SLIT1: variants seen among roughly 807,000 people sequenced by gnomAD.
The protein encoded by SLIT1 is slit homolog 1 protein.
In SLIT1, 66 loss-of-function variants were observed where a neutral mutation model predicts 186.1. The observed-to-expected ratio is 0.35, with a 90% CI of 0.29 to 0.44. SLIT1 has a LOEUF of 0.44. Ranked by LOEUF, SLIT1 falls within the 20% of genes least tolerant of loss-of-function variation. SLIT1 has a pLI of 1.00. For synonymous variants in SLIT1, 761 were observed against 833.8 expected (o/e 0.91, Z 1.50); for missense variants, 1,638 against 2,037.4 (o/e 0.80, Z 3.77).
Position 97,046,451 on chromosome 10 carries a change from G to A in SLIT1, c.1853+203C>T, listed in dbSNP as rs908412131. On this transcript the variant is annotated intron_variant, in intron 18 of 36. Coordinates refer to ENST00000266058, the MANE Select transcript of SLIT1 (RefSeq NM_003061.3). ...GAGGCCAACTGGGCATTGGCCCCAT[G>A]CCCCAGGGTACAAGAGAACAGGTCT... is the stretch of plus-strand genomic sequence containing the variant. Among the ~76,000 whole-genome samples the A allele has an allele frequency of 2.6e-5, 4 of 152,226 alleles. No homozygotes were observed. The South Asian group carries it at 8.3e-4, about 31-fold the overall frequency.
chr10:97,066,208 C>T (rs1048608642), intron 4 of SLIT1, 122 bp from the exon 5 acceptor site: 22 of 728,314 alleles, frequency 3.0e-5, no homozygotes, highest in Non-Finnish European at 4.7e-5. Flanking sequence ...GCCACTGCTG[C>T]ACCCCAGCAC....
intron 1 of SLIT1, among the ~76,000 whole-genome samples, chr10:97,170,265 T>C (rs1196261415): frequency 6.6e-6 from 1 of 152,252 alleles, no homozygotes; most frequent in African/African-American, 2.4e-5. Context: ...TGTGCCTCAG[T>C]TTCTCCATTT....
chr10:97,114,039 CTCA>C (rs1849488160), intron 4 of SLIT1, among the ~76,000 whole-genome samples: 1 of 152,140 alleles, frequency 6.6e-6, no homozygotes, highest in Admixed American at 6.5e-5. Context: ...CTCCCAGCCC[CTCA>C]GGATACTCAG....
chr10:97,051,437 T>C (rs1848785527), intron 13 of SLIT1, among the ~76,000 whole-genome samples: 1 of 152,014 alleles, frequency 6.6e-6, no homozygotes, highest in South Asian at 2.1e-4. Flanking sequence ...GAATGTAAAA[T>C]AGTACCGCCA....
At position 97,043,871 on chromosome 10, in the gene SLIT1, T is replaced by C. The variant is rs1848713280; in HGVS notation, c.1854-358A>G. 6.6e-6 allele frequency among the ~76,000 whole-genome samples: 1 copy of C among 152,104 alleles called. No individual in the cohort carries two copies. The highest frequency in any genetic ancestry group is 2.4e-5 in the African/African-American group (1 of 41,396). ...AGGAGACTTCCTGAAACCTAATCCA[T>C]CATGTCACTCTCCAGCTTAAAGTCC... On this transcript the variant is annotated intron_variant, in intron 18 of 36. Transcript: ENST00000266058. The surrounding 1 kb of genome is among the most constrained non-coding windows in gnomAD (Gnocchi z 7.0).
At chr10:97,185,419 G>T in intron 1 of SLIT1, 59 bp downstream of exon 1, 2 of 1,542,898 alleles carry the variant, frequency 1.3e-6, no homozygotes, top group Middle Eastern at 1.9e-4. Context: ...GTCCGGAATT[G>T]CGTCTGGGTG....
chr10:97,034,322 G>T, intron 23 of SLIT1, 149 bp downstream of exon 23: 1 of 666,686 alleles, frequency 1.5e-6, no homozygotes. Context: ...TTTTTTCAAA[G>T]TCTTTTAGGC....
At chr10:97,148,966 T>C (rs1484494829) in intron 4 of SLIT1, among the ~76,000 whole-genome samples, 2 of 152,248 alleles carry the variant, frequency 1.3e-5, no homozygotes. Context: ...TGGCTTTTCA[T>C]GCCTTTGAGC....
chr10:97,001,476 A>T, intron 36 of SLIT1, 126 bp from the exon 37 acceptor site: 1 of 698,606 alleles, frequency 1.4e-6, no homozygotes, highest in Non-Finnish European at 2.5e-6. Context: ...TGGCTCTCAG[A>T]CCCCACCTCT....
In SLIT1 at chr10:97,019,105, G is replaced by T. The variant is rs781707376; in HGVS notation, c.2749C>A (p.Pro917Thr). ...TTGGCCTGGACAGCCAGCGTTGGAGGACCTGCAGCAAGGGGAGGGTGCTAG... is the reference window on the plus strand; with the variant it reads ...TTGGCCTGGACAGCCAGCGTTGGAGTACCTGCAGCAAGGGGAGGGTGCTAG... Reference protein sequence around the residue: ...TPAKKFECQGPPTLAVQAKCD... With the variant: ...TPAKKFECQGTPTLAVQAKCD... Residue 917 changes from proline to threonine, a missense_variant and splice_region_variant, in exon 27 of 37, where the codon CCT becomes ACT. Physicochemically the swap from Pro to Thr is conservative, Grantham distance 38. Transcript: ENST00000266058. 4.4e-6 allele frequency: 7 copies of T among 1,600,828 alleles called. 1 individual carries two copies. The highest frequency in any genetic ancestry group is 3.3e-4 in the Middle Eastern group (2 of 6,030).
chr10:97,013,189 A>C (rs79446643), intron 30 of SLIT1, among the ~76,000 whole-genome samples: 3 of 152,354 alleles, frequency 2.0e-5, no homozygotes, highest in East Asian at 3.9e-4. Context: ...TTTCTGCCAC[A>C]AAATCTATAC....
intron 4 of SLIT1, among the ~76,000 whole-genome samples, chr10:97,088,055 A>C (rs1849185786): frequency 6.6e-6 from 1 of 152,020 alleles, no homozygotes; most frequent in Non-Finnish European, 1.5e-5. Flanking sequence ...TGGTTCTCAA[A>C]CTCAGCTGCA....
rs1263216359 is a variant in SLIT1, at chr10:97,004,764, T to G, written c.3639A>C (p.Ala1213=). The G allele has an allele frequency of 1.9e-6, 3 of 1,614,032 alleles. No individual in the cohort carries two copies. Among genetic ancestry groups the G allele is most frequent in the Non-Finnish European group, 2.5e-6 (3 of 1,180,010 alleles). The part of the protein sequence containing the change: ...LLYNGDNDHI[A]VELYQGHVRV... ...GCACATGGCCCTGGTACAGCTCAAC[T>G]GCAATGTGGTCGTTGTCCCCGTTGT... The change falls in exon 33 of 37, where the codon GCA becomes GCC. Residue 1213 remains alanine, a synonymous_variant. Transcript: ENST00000266058. This position sits in a 1 kb window ranked among gnomAD's most constrained non-coding sequence, Gnocchi z 5.1.
At position 97,030,844 on chromosome 10, in the gene SLIT1, G is replaced by T. The variant is rs1206850383; in HGVS notation, c.2511-16C>A. ...GTGGAGAGACCTGAGAAGGGAAGAGGCTGCTGGTGCCTTATCCAGGGACAG... is the reference window on the plus strand; with the variant it reads ...GTGGAGAGACCTGAGAAGGGAAGAGTCTGCTGGTGCCTTATCCAGGGACAG... On this transcript the variant is annotated splice_polypyrimidine_tract_variant and intron_variant, in intron 24 of 36. Transcript: ENST00000266058. 6.2e-7 allele frequency: 1 copy of T among 1,611,264 alleles called. No individual in the cohort carries two copies. The highest frequency in any genetic ancestry group is 1.7e-5 in the Admixed American group (1 of 60,000).
intron 4 of SLIT1, among the ~76,000 whole-genome samples, chr10:97,123,374 C>T (rs1457651013): frequency 6.6e-6 from 1 of 152,222 alleles, no homozygotes; most frequent in Non-Finnish European, 1.5e-5. Context: ...AGAAGTAGAG[C>T]AACCTCCCTT....
At chr10:97,054,003 G>A (rs1372724820) in intron 13 of SLIT1, among the ~76,000 whole-genome samples, 3 of 152,034 alleles carry the variant, frequency 2.0e-5, no homozygotes, top group African/African-American at 7.2e-5. Flanking sequence ...TTCTATAAAG[G>A]AATACCTGAG....
At position 97,185,708 on chromosome 10, in the gene SLIT1, C is replaced by T. The variant is rs918335957; in HGVS notation, c.-34G>A. 128 of 1,452,642 alleles carry T rather than the reference C, an allele frequency of 8.8e-5. No homozygotes were observed. Among genetic ancestry groups the T allele is most frequent in the Non-Finnish European group, 1.1e-4 (123 of 1,109,854 alleles). 90.0% of individuals were successfully genotyped at this position (1,452,642 alleles called of 1,614,324 possible). On this transcript the variant is annotated 5_prime_UTR_variant, in exon 1 of 37. Coordinates refer to ENST00000266058, the MANE Select transcript of SLIT1 (RefSeq NM_003061.3). ...CACAGCGTCCCGCTCGCGAGCCAGA[C>T]GGCAGCAGCCGCTGACCATCCCCGT...
chr10:97,025,054 G>A (rs1848533191), intron 25 of SLIT1, among the ~76,000 whole-genome samples: 1 of 152,214 alleles, frequency 6.6e-6, no homozygotes, highest in Non-Finnish European at 1.5e-5. Flanking sequence ...CAGATCACCT[G>A]AGGTCAGGAG....
intron 34 of SLIT1, among the ~76,000 whole-genome samples, chr10:97,003,464 C>T (rs757334570): frequency 6.6e-6 from 1 of 152,188 alleles, no homozygotes; most frequent in Non-Finnish European, 1.5e-5. Flanking sequence ...TCATGACTGG[C>T]CTGAAGCTGC....
Sources: allele counts gnomAD v4.1 joint callset (sites outside exome capture counted in the v4.1 genomes callset), GRCh38; gene constraint gnomAD v4.1.1; non-coding constraint Gnocchi (gnomAD v3.1); transcripts MANE v1.5; gene names NCBI Gene and HGNC (gene_info 2026-07-23, HGNC 2026-07-21).